PXDNL: variants seen among roughly 807,000 people sequenced by gnomAD.
PXDNL encodes the protein peroxidasin like, also known as probable oxidoreductase PXDNL.
Under a neutral mutation model 150.8 loss-of-function variants are expected in PXDNL, and 145 were observed. The observed-to-expected ratio is 0.96, with a 90% CI of 0.84 to 1.10. The LOEUF is 1.10. PXDNL is among the 50% of genes least tolerant of loss of function. The probability of loss-of-function intolerance (pLI) is 0.00; values close to 1 mark genes in which losing one functional copy is unlikely to be tolerated. For synonymous variants in PXDNL, 757 were observed against 725.7 expected, an observed-to-expected ratio of 1.04 and a Z score of -0.69; for missense variants, 2,087 against 1,873.9, an observed-to-expected ratio of 1.11 and a Z score of -2.10.
chr8:51,791,799 T>C (rs987854113), intron 1 of PXDNL, among the ~76,000 whole-genome samples: 3 of 152,192 alleles, frequency 2.0e-5, no homozygotes, highest in Non-Finnish European at 4.4e-5. Context: ...AATCCTTCAA[T>C]GCTTAATCAT....
In PXDNL at chr8:51,319,885, C is replaced by T. The variant is rs771229142; in HGVS notation, c.*6G>A. Reference sequence around the variant, plus strand: ...CCATTTGGGGCTCAACAGCACAAAACTTTTATTAGCGCTTCTCTGGGGAAT... The same window carrying T: ...CCATTTGGGGCTCAACAGCACAAAATTTTTATTAGCGCTTCTCTGGGGAAT... On this transcript the variant is annotated 3_prime_UTR_variant, in exon 23 of 23. Coordinates refer to ENST00000356297, the MANE Select transcript of PXDNL (RefSeq NM_144651.5). The T allele has an allele frequency of 2.0e-6, 3 of 1,510,576 alleles. No individual in the cohort carries two copies. In the East Asian group the frequency reaches 7.3e-5, roughly 37 times the overall value. The allele number at this position is 1,510,576 out of a possible 1,614,324, so 93.6% of individuals were successfully genotyped here.
At chr8:51,483,594 G>T in intron 6 of PXDNL, 49 bp downstream of exon 6, 2 of 1,151,472 alleles carry the variant, frequency 1.7e-6, no homozygotes, top group Non-Finnish European at 2.5e-6. Context: ...GATGGATTTT[G>T]GAGGAAATTA....
chr8:51,376,301 C>T (rs1438162642), intron 17 of PXDNL, among the ~76,000 whole-genome samples: 1 of 152,196 alleles, frequency 6.6e-6, no homozygotes, highest in African/African-American at 2.4e-5. Context: ...CACATTGTAA[C>T]TTATTCCATT....
intron 6 of PXDNL, among the ~76,000 whole-genome samples, chr8:51,478,721 T>C (rs1042226948): frequency 7.2e-5 from 11 of 152,186 alleles, no homozygotes; most frequent in African/African-American, 2.2e-4. Flanking sequence ...AAAAACTTTA[T>C]TGTTGAAGGT....
intron 1 of PXDNL, among the ~76,000 whole-genome samples, chr8:51,766,937 G>C (rs2037238259): frequency 6.6e-6 from 1 of 151,938 alleles, no homozygotes; most frequent in South Asian, 2.1e-4. Flanking sequence ...TTAGAACTAT[G>C]ATCATGTGTA....
rs1197868036 is a variant in PXDNL, at chr8:51,735,556, T to G, written c.164+73625A>C. 2.5e-4 allele frequency among the ~76,000 whole-genome samples: 33 copies of G among 134,168 alleles called. 4 individuals carry two copies. The highest frequency in any genetic ancestry group is 4.4e-4 in the Admixed American group (6 of 13,590). 88.0% of individuals were successfully genotyped at this position (134,168 alleles called of 152,430 possible). A position where few individuals can be genotyped will look rare whatever the true frequency, so the allele number is the denominator to read the frequency against. On this transcript the variant is annotated intron_variant, in intron 1 of 22. Coordinates refer to ENST00000356297, the MANE Select transcript of PXDNL (RefSeq NM_144651.5). ...TTTTTTTTTTTTTTTTTTTTTTTTTTTTTTTTTTGAGACGGAGTCTCGCTC... is the reference window on the plus strand; with the variant it reads ...TTTTTTTTTTTTTTTTTTTTTTTTTGTTTTTTTTGAGACGGAGTCTCGCTC...
intron 19 of PXDNL, among the ~76,000 whole-genome samples, chr8:51,347,311 A>G (rs1259421192): frequency 1.3e-5 from 2 of 152,222 alleles, no homozygotes; most frequent in Non-Finnish European, 2.9e-5. Context: ...TTAAGCTAAC[A>G]TGAATATGAA....
chr8:51,574,423 T>A (rs6985989), intron 3 of PXDNL, among the ~76,000 whole-genome samples: 116 of 151,314 alleles, frequency 7.7e-4, no homozygotes, highest in African/African-American at 2.5e-3. Context: ...GGGACTTGTG[T>A]GACCATAACA....
intron 6 of PXDNL, among the ~76,000 whole-genome samples, chr8:51,478,925 C>A (rs892049668): frequency 1.3e-5 from 2 of 152,104 alleles, no homozygotes; most frequent in African/African-American, 2.4e-5. Context: ...TATCAGTTTC[C>A]CATAAAATAA....
chr8:51,758,485 G>C (rs1043355198), intron 1 of PXDNL, among the ~76,000 whole-genome samples: 3 of 152,198 alleles, frequency 2.0e-5, no homozygotes, highest in Non-Finnish European at 4.4e-5. Context: ...ATATGGTTAA[G>C]CTTTGTGTCC....
intron 1 of PXDNL, among the ~76,000 whole-genome samples, chr8:51,760,170 A>C (rs1475707656): frequency 1.3e-5 from 2 of 152,216 alleles, no homozygotes; most frequent in African/African-American, 4.8e-5. Context: ...GAAATCTCTC[A>C]TTCTTAACAA....
chr8:51,806,051 T>C (rs1284639240), intron 1 of PXDNL, among the ~76,000 whole-genome samples: 1 of 152,244 alleles, frequency 6.6e-6, no homozygotes, highest in Non-Finnish European at 1.5e-5. Flanking sequence ...GGCTTTTTGG[T>C]AAATGATATT....
chr8:51,363,369 T>C (rs999784199), intron 19 of PXDNL, among the ~76,000 whole-genome samples: 1 of 152,072 alleles, frequency 6.6e-6, no homozygotes, highest in African/African-American at 2.4e-5. Flanking sequence ...GGAAGGGCTT[T>C]ATTCAGCCGG....
At chr8:51,325,957 T>A (rs1218451258) in intron 21 of PXDNL, among the ~76,000 whole-genome samples, 2 of 152,188 alleles carry the variant, frequency 1.3e-5, no homozygotes, top group Admixed American at 1.3e-4. Flanking sequence ...CCTCCACTTT[T>A]ATGGCCTGTT....
chr8:51,559,330 ACC>A (rs59230172), intron 3 of PXDNL, among the ~76,000 whole-genome samples: 10,710 of 97,256 alleles, frequency 0.11, 720 homozygotes, highest in African/African-American at 0.15. Context: ...TTTCTTCCAA[ACC>A]CCCCCCCCCC....
chr8:51,372,792 A>G (rs1464890513), intron 18 of PXDNL, among the ~76,000 whole-genome samples: 1 of 152,236 alleles, frequency 6.6e-6, no homozygotes, highest in East Asian at 1.9e-4. Context: ...ATTAATATAT[A>G]CTATTTGGTT....
intron 1 of PXDNL, among the ~76,000 whole-genome samples, chr8:51,755,829 G>A (rs2037094525): frequency 6.6e-6 from 1 of 152,042 alleles, no homozygotes. Flanking sequence ...GTTTATTTCA[G>A]TATAGAGAAA....
intron 2 of PXDNL, among the ~76,000 whole-genome samples, chr8:51,611,801 G>T (rs1223040369): frequency 6.6e-6 from 1 of 152,192 alleles, no homozygotes; most frequent in Non-Finnish European, 1.5e-5. Context: ...AGAGGAGCAA[G>T]GCCAGACTTT....
Position 51,736,292 on chromosome 8 carries a change from A to T in PXDNL, c.164+72889T>A, listed in dbSNP as rs556372323. Among the ~76,000 whole-genome samples the T allele has an allele frequency of 1.6e-4, 25 of 152,294 alleles. No homozygotes were observed. In the South Asian group the frequency reaches 5.2e-3, roughly 32 times the overall value. On this transcript the variant is annotated intron_variant, in intron 1 of 22. Coordinates refer to ENST00000356297, the MANE Select transcript of PXDNL (RefSeq NM_144651.5). ...TATCATAGACCTAAGACAGAAAATA[A>T]ATTTTTTATGTGAGGAATGTGAACC...
Sources: allele counts gnomAD v4.1 joint callset (sites outside exome capture counted in the v4.1 genomes callset), GRCh38; gene constraint gnomAD v4.1.1; transcripts MANE v1.5; gene names NCBI Gene and HGNC (gene_info 2026-07-23, HGNC 2026-07-21).